PCDHGA4: variants seen among roughly 807,000 people sequenced by gnomAD.
The protein encoded by PCDHGA4 is protocadherin gamma subfamily A, 4, also known as protocadherin gamma-A4.
PCDHGA4 carries 38 observed loss-of-function variants against 54.6 expected under a neutral mutation model. That is an observed-to-expected ratio of 0.70 (90% CI 0.54 to 0.91). The LOEUF (loss-of-function observed/expected upper bound fraction) is 0.91, where lower values mean the gene tolerates loss of function less well. PCDHGA4 is among the 40% of genes least tolerant of loss of function. The pLI is 0.00. For missense variants in PCDHGA4, 1,298 were observed against 1,220.9 expected, an observed-to-expected ratio of 1.06 and a Z score of -0.94; for synonymous variants, 511 against 512.9, an observed-to-expected ratio of 1.00 and a Z score of 0.05.
At chr5:141,374,238 T>C (rs1770300892) in intron 1 of PCDHGA4, 2 of 1,614,016 alleles carry the variant, frequency 1.2e-6, no homozygotes, top group African/African-American at 1.3e-5. Context: ...GTCAAGGATC[T>C]GGGACTGGAG....
rs903741318 is a variant in PCDHGA4, at chr5:141,454,939, C to G, written c.2515-39868C>G. On this transcript the variant is annotated intron_variant, in intron 1 of 3. Coordinates refer to ENST00000571252, the MANE Select transcript of PCDHGA4 (RefSeq NM_018917.4). ...TCTCCTGCCTCAGCCTCCCGAGTAG[C>G]TGGGACTACAGGCGCCGGCCACCAC... 6.0e-5 allele frequency among the ~76,000 whole-genome samples: 9 copies of G among 150,982 alleles called. No homozygotes were observed. The East Asian group carries it at 1.8e-3, about 30-fold the overall frequency.
At chr5:141,392,559 A>T in intron 1 of PCDHGA4, 2 of 384,544 alleles carry the variant, frequency 5.2e-6, no homozygotes, top group Non-Finnish European at 4.6e-6. Context: ...ATCTCAGTGC[A>T]GTAACTATTT....
At chr5:141,361,035 A>T in intron 1 of PCDHGA4, 1 of 1,613,478 alleles carries the variant, frequency 6.2e-7, no homozygotes, top group South Asian at 1.1e-5. Context: ...AAACAGGAGA[A>T]ATCACGACAA....
At chr5:141,389,240 G>A (rs903029281) in intron 1 of PCDHGA4, 4 of 1,613,902 alleles carry the variant, frequency 2.5e-6, no homozygotes, top group African/African-American at 1.3e-5. Context: ...TTTTCTCACA[G>A]TCTTCCTATA....
intron 1 of PCDHGA4, among the ~76,000 whole-genome samples, chr5:141,470,814 A>T (rs1170059292): frequency 2.6e-5 from 4 of 152,006 alleles, no homozygotes; most frequent in Admixed American, 6.5e-5. Context: ...CAGCCTTCTG[A>T]GTAGTTAGGA....
chr5:141,388,334 A>G (rs2091318945), intron 1 of PCDHGA4: 2 of 1,613,972 alleles, frequency 1.2e-6, no homozygotes, highest in South Asian at 1.1e-5. Flanking sequence ...AGCCTGGCAC[A>G]CGATTTATAT....
At chr5:141,371,418 G>T in intron 1 of PCDHGA4, 1 of 1,614,006 alleles carries the variant, frequency 6.2e-7, no homozygotes. Flanking sequence ...AGATGAAAAT[G>T]ACAATGCCCC....
intron 1 of PCDHGA4, chr5:141,399,214 G>A: frequency 6.2e-7 from 1 of 1,613,956 alleles, no homozygotes; most frequent in African/African-American, 1.3e-5. Context: ...AACACTAATT[G>A]CTTTGATCAA....
chr5:141,405,320 C>G, intron 1 of PCDHGA4: 1 of 1,614,188 alleles, frequency 6.2e-7, no homozygotes, highest in Non-Finnish European at 8.5e-7. Context: ...GAAAAATGAG[C>G]CTTTGTGCGT....
At chr5:141,365,018 G>C in intron 1 of PCDHGA4, 1 of 1,613,880 alleles carries the variant, frequency 6.2e-7, no homozygotes, top group Non-Finnish European at 8.5e-7. Context: ...GCACATCCGT[G>C]TTACGGTCCT....
chr5:141,420,511 A>G (rs958868048), intron 1 of PCDHGA4: 23 of 419,992 alleles, frequency 5.5e-5, no homozygotes, highest in Middle Eastern at 6.5e-4. Context: ...ATTTTTATGA[A>G]GTAAAATACC....
At chr5:141,403,317 A>G (rs576274199) in intron 1 of PCDHGA4, 2 of 1,613,974 alleles carry the variant, frequency 1.2e-6, no homozygotes, top group South Asian at 2.2e-5. Flanking sequence ...ATAGAAATAG[A>G]AGTAACTGAT....
chr5:141,361,748 G>T, intron 1 of PCDHGA4: 1 of 1,613,040 alleles, frequency 6.2e-7, no homozygotes, highest in Non-Finnish European at 8.5e-7. Flanking sequence ...CGCGACCAGG[G>T]CTCGCCCGCG....
intron 1 of PCDHGA4, chr5:141,409,182 T>C: frequency 6.2e-7 from 1 of 1,614,006 alleles, no homozygotes; most frequent in East Asian, 2.2e-5. Context: ...GGAGGTGGTC[T>C]CTCTACCCAG....
At chr5:141,375,435 C>A in intron 1 of PCDHGA4, 1 of 1,614,002 alleles carries the variant, frequency 6.2e-7, no homozygotes, top group East Asian at 2.2e-5. Context: ...AACCCGCCCA[C>A]CTTCCCCCAT....
At chr5:141,363,513 T>C (rs995820646) in intron 1 of PCDHGA4, among the ~76,000 whole-genome samples, 1 of 152,210 alleles carries the variant, frequency 6.6e-6, no homozygotes, top group Non-Finnish European at 1.5e-5. Context: ...TCCTCCACAG[T>C]TACTATACTG....
chr5:141,432,369 A>G lies in PCDHGA4; in HGVS notation c.2515-62438A>G. 6.2e-7 allele frequency: 1 copy of G among 1,614,222 alleles called. No homozygotes were observed. The highest frequency in any genetic ancestry group is 1.1e-5 in the South Asian group (1 of 91,084). ...CAAGTGAAAGTGATGGCGCGGGACA[A>G]CGGGCACCCGCCCCTCAGCAGCAAC... On this transcript the variant is annotated intron_variant, in intron 1 of 3. Coordinates refer to ENST00000571252, the MANE Select transcript of PCDHGA4 (RefSeq NM_018917.4). The surrounding 1 kb of genome is among the most constrained non-coding windows in gnomAD (Gnocchi z 6.0).
At position 141,477,761 on chromosome 5, in the gene PCDHGA4, AC is replaced by A. The variant is rs754006143; in HGVS notation, c.2515-17044del. ...CGATGGGGGCACCCCGGTCCTAGCC[AC>A]CAACATCAGCGTGAACATATTTGTC... On this transcript the variant is annotated intron_variant, in intron 1 of 3. Coordinates refer to ENST00000571252, the MANE Select transcript of PCDHGA4 (RefSeq NM_018917.4). This position sits in a 1 kb window ranked among gnomAD's most constrained non-coding sequence, Gnocchi z 4.9. 5 of 1,613,854 alleles carry A rather than the reference AC, an allele frequency of 3.1e-6. No homozygotes were observed. Among genetic ancestry groups the A allele is most frequent in the Non-Finnish European group, 4.2e-6 (5 of 1,180,044 alleles).
rs149319740 is a variant in PCDHGA4, at chr5:141,378,591, G to A, written c.2514+20970G>A. The stretch of plus-strand genomic sequence containing the variant: ...TTTTAAAACATGCTCGGTAGTGTCT[G>A]CTTACAGGACATATCTCTAAAAATA... On this transcript the variant is annotated intron_variant, in intron 1 of 3. Transcript: ENST00000571252. 4.1e-4 allele frequency: 63 copies of A among 152,298 alleles called. 1 individual carries two copies. Among genetic ancestry groups the A allele is most frequent in the African/African-American group, 1.4e-3 (60 of 41,574 alleles). The allele number at this position is 152,298 out of a possible 1,614,324, so 9.4% of individuals were successfully genotyped here.
Sources: gnomAD v4.1 joint callset for allele counts (sites outside exome capture counted in the v4.1 genomes callset) on GRCh38, gnomAD v4.1.1 for gene constraint, Gnocchi (gnomAD v3.1) non-coding constraint, MANE v1.5 for transcripts, NCBI Gene and HGNC (gene_info 2026-07-23, HGNC 2026-07-21) for gene names.